BLM: variants seen among roughly 807,000 people sequenced by gnomAD.
BLM encodes BLM RecQ like helicase.
In BLM, 95 loss-of-function variants were observed where a neutral mutation model predicts 135.3. The observed-to-expected ratio is 0.70, with a 90% CI of 0.59 to 0.83. The LOEUF is 0.83. Among genes scored for constraint, BLM ranks in the 40% least tolerant of loss-of-function variants. BLM has a pLI of 0.00. For synonymous variants in BLM, 520 were observed against 589.2 expected, an observed-to-expected ratio of 0.88 and a Z score of 1.70; for missense variants, 1,518 against 1,663.9, an observed-to-expected ratio of 0.91 and a Z score of 1.53.
chr15:90,784,327 C>CTTTTTTTTTTTTTTTTTTTT (rs769540432), intron 13 of BLM, among the ~76,000 whole-genome samples: 1 of 70,002 alleles, frequency 1.4e-5, no homozygotes, highest in African/African-American at 6.8e-5. Flanking sequence ...AATGGCTTTT[C>CTTTTTTTTTTTTTTTTTTTT]TTTTTTTTTT....
intron 1 of BLM, among the ~76,000 whole-genome samples, chr15:90,719,423 G>A (rs1894708294): frequency 6.6e-6 from 1 of 152,108 alleles, no homozygotes; most frequent in Non-Finnish European, 1.5e-5. Context: ...CCAACATGGC[G>A]AAACTCCCTC....
intron 1 of BLM, among the ~76,000 whole-genome samples, chr15:90,721,961 C>A (rs944161614): frequency 2.6e-5 from 4 of 151,542 alleles, no homozygotes; most frequent in African/African-American, 9.7e-5. Context: ...ATTATGACAA[C>A]CAAGATACAT....
rs186094467 is a variant in BLM, at chr15:90,757,600, G to A, written c.1088-2547G>A. 3.9e-4 allele frequency among the ~76,000 whole-genome samples: 60 copies of A among 152,200 alleles called. 1 individual carries two copies. Among genetic ancestry groups the A allele is most frequent in the Admixed American group, 3.9e-3 (60 of 15,284 alleles). ...AGTCCAAATTTCCCAGGCCATTCTTGTGCAGATGCCCCTCCTCACCCTGCC... is the reference window on the plus strand; with the variant it reads ...AGTCCAAATTTCCCAGGCCATTCTTATGCAGATGCCCCTCCTCACCCTGCC... On this transcript the variant is annotated intron_variant, in intron 5 of 21. Transcript: ENST00000355112.
At position 90,794,257 on chromosome 15, in the gene BLM, G is replaced by A. The variant is rs990520268; in HGVS notation, c.3110G>A (p.Arg1037Lys). The change falls in exon 16 of 22, where the codon AGG becomes AAG. Residue 1037 changes from arginine (R) to lysine (K), a missense_variant. Around this residue, in one of 5 missense-constraint regions of BLM, gnomAD observed 626 missense variants for 681.1 expected, o/e 0.92. Transcript: ENST00000355112. ...VHYCENITEC[R>K]RIQLLAYFGE... ...TACTGTGAAAATATAACGGAATGCA[G>A]GAGAATACAGCTTTTGGCCTACTTT... 1.2e-6 allele frequency: 2 copies of A among 1,606,388 alleles called. No individual in the cohort carries two copies. The highest frequency in any genetic ancestry group is 1.3e-5 in the African/African-American group (1 of 74,828).
intron 19 of BLM, among the ~76,000 whole-genome samples, chr15:90,808,239 G>C (rs1897325140): frequency 6.6e-6 from 1 of 152,090 alleles, no homozygotes; most frequent in South Asian, 2.1e-4. Flanking sequence ...TAAACCTTCT[G>C]TTCTGTCCAC....
intron 16 of BLM, among the ~76,000 whole-genome samples, chr15:90,796,761 C>G (rs1897036863): frequency 6.6e-6 from 1 of 152,058 alleles, no homozygotes; most frequent in Non-Finnish European, 1.5e-5. Context: ...AGAATTGGAT[C>G]CATTATGTTT....
intron 7 of BLM, among the ~76,000 whole-genome samples, chr15:90,761,758 T>C (rs1365976690): frequency 2.6e-5 from 4 of 152,060 alleles, no homozygotes; most frequent in African/African-American, 7.3e-5. Context: ...CTTCTTTGGG[T>C]CTAAGGGCTC....
At chr15:90,805,600 C>T (rs1442597895) in intron 19 of BLM, among the ~76,000 whole-genome samples, 1 of 150,582 alleles carries the variant, frequency 6.6e-6, no homozygotes, top group Non-Finnish European at 1.5e-5. Context: ...CCAGCCTGCC[C>T]AAGATGGCAA....
chr15:90,785,248 C>T (rs1364308016), intron 14 of BLM, among the ~76,000 whole-genome samples, 167 bp downstream of exon 14: 1 of 152,040 alleles, frequency 6.6e-6, no homozygotes, highest in Non-Finnish European at 1.5e-5. Context: ...GTTGCTTTTT[C>T]TTTCATAAAA....
Position 90,760,275 on chromosome 15 carries a change from A to G in BLM, c.1216A>G (p.Ile406Val), listed in dbSNP as rs769498398. The G allele has an allele frequency of 7.4e-6, 12 of 1,614,098 alleles. No individual in the cohort carries two copies. In the Middle Eastern group the frequency reaches 8.3e-4, roughly 112 times the overall value. Residue 406 changes from isoleucine to valine, a missense_variant, in exon 6 of 22, where the codon ATA becomes GTA. Physicochemically the swap from Ile to Val is conservative, Grantham distance 29 (BLOSUM62 3). Coordinates refer to ENST00000355112, the MANE Select transcript of BLM (RefSeq NM_000057.4). ...GAACGAACTGCTTCAGCAGCGGAACATAAGGTATCTTAATTTTCCCCCTTC... is the reference window on the plus strand; with the variant it reads ...GAACGAACTGCTTCAGCAGCGGAACGTAAGGTATCTTAATTTTCCCCCTTC... ...CGNELLQQRNIRRKLLTEVDF... is the reference protein window; with the variant it reads ...CGNELLQQRNVRRKLLTEVDF...
intron 13 of BLM, among the ~76,000 whole-genome samples, chr15:90,784,684 A>G (rs2151179536): frequency 6.6e-6 from 1 of 151,870 alleles, no homozygotes; most frequent in East Asian, 1.9e-4. Flanking sequence ...AGTAGAGCCC[A>G]GAGTTCATCC....
chr15:90,785,235 A>G (rs1896716995), intron 14 of BLM, among the ~76,000 whole-genome samples, 154 bp downstream of exon 14: 1 of 152,242 alleles, frequency 6.6e-6, no homozygotes, highest in Non-Finnish European at 1.5e-5. Context: ...TGAGACTTCT[A>G]AAGTTGCTTT....
Position 90,754,884 on chromosome 15 carries a change from C to T in BLM, c.1033C>T (p.Pro345Ser). 1 of 1,613,882 alleles carries T rather than the reference C, an allele frequency of 6.2e-7. No homozygotes were observed. The highest frequency in any genetic ancestry group is 8.5e-7 in the Non-Finnish European group (1 of 1,179,940). The change falls in exon 5 of 22, where the codon CCT becomes TCT. Residue 345 changes from proline to serine, a missense_variant. This residue lies in a region of BLM where 724 missense variants were observed against 756.9 expected (regional missense o/e 0.96). Transcript: ENST00000355112. ...LSTSKDLLSKPEKMSMQELNP... is the reference protein window; with the variant it reads ...LSTSKDLLSKSEKMSMQELNP... The stretch of plus-strand genomic sequence containing the variant: ...CACATCAAAAGATCTTTTGTCAAAA[C>T]CTGAGAAAATGAGTATGCAGGAGCT...
At chr15:90,752,109 T>G (rs552492788) in intron 4 of BLM, among the ~76,000 whole-genome samples, 163 bp downstream of exon 4, 14 of 152,162 alleles carry the variant, frequency 9.2e-5, no homozygotes, top group Non-Finnish European at 2.1e-4. Context: ...ATACATTTAA[T>G]TGGTTGCATT....
chr15:90,800,917 G>A (rs1897149431), intron 17 of BLM, among the ~76,000 whole-genome samples: 1 of 152,176 alleles, frequency 6.6e-6, no homozygotes, highest in Non-Finnish European at 1.5e-5. Flanking sequence ...GGAGGCCAAA[G>A]TGGGTGGTTC....
In BLM at chr15:90,737,307, G is replaced by A. The variant is rs567070441; in HGVS notation, c.-4-10082G>A. Among the ~76,000 whole-genome samples the A allele has an allele frequency of 2.0e-4, 31 of 152,174 alleles. 1 individual carries two copies. The South Asian group carries it at 6.4e-3, about 32-fold the overall frequency. ...AAGATAGATGGATAGATCAATGGAT[G>A]TATAGCTGTAGATACAGAAATAGAT... On this transcript the variant is annotated intron_variant, in intron 1 of 21. Coordinates refer to ENST00000355112, the MANE Select transcript of BLM (RefSeq NM_000057.4).
In BLM at chr15:90,717,363, A is replaced by AGGGCTTGGCGCGGC. The variant is rs1316144109; in HGVS notation, c.-79_-66dup. The stretch of plus-strand genomic sequence containing the variant: ...GCAAGCTTCCGGCGGGAAGTGAGCC[A>AGGGCTTGGCGCGGC]GGGCTTGGCGCGGCGGCCGTGGTTG... On this transcript the variant is annotated 5_prime_UTR_variant, in exon 1 of 22. Transcript: ENST00000355112. The AGGGCTTGGCGCGGC allele has an allele frequency of 6.6e-6, 1 of 152,430 alleles. No individual in the cohort carries two copies. The highest frequency in any genetic ancestry group is 1.5e-5 in the Non-Finnish European group (1 of 68,194). The allele number at this position is 152,430 out of a possible 1,614,324, so 9.4% of individuals were successfully genotyped here.
rs546488137 is a variant in BLM at position 90,775,483 on chromosome 15, A to G, written c.2555+5897A>G. Among the ~76,000 whole-genome samples the G allele has an allele frequency of 5.5e-4, 81 of 148,196 alleles. 1 individual carries two copies. The highest frequency in any genetic ancestry group is 8.7e-4 in the Non-Finnish European group (59 of 67,456). ...TATAATATATATGTATTTTATATAT[A>G]TGTGTGTTTTTATTTTTTATATATA... On this transcript the variant is annotated intron_variant, in intron 12 of 21. Transcript: ENST00000355112.
chr15:90,751,756 A>G, intron 3 of BLM, 31 bp from the exon 4 acceptor site: 1 of 1,592,546 alleles, frequency 6.3e-7, no homozygotes, highest in Non-Finnish European at 8.6e-7. Context: ...AGTGGTTAAC[A>G]AATCTATGTT....
Sources: gnomAD v4.1 joint callset for allele counts (sites outside exome capture counted in the v4.1 genomes callset) on GRCh38, gnomAD v4.1.1 for gene constraint, gnomAD v4.1.1 regional missense constraint, MANE v1.5 for transcripts, NCBI Gene and HGNC (gene_info 2026-07-23, HGNC 2026-07-21) for gene names.